ARFIP1: variants seen among roughly 807,000 people sequenced by gnomAD.
ARFIP1 encodes arfaptin-1.
A neutral mutation model predicts 42.5 loss-of-function variants in ARFIP1; 24 were observed. That is an observed-to-expected ratio of 0.57 (90% CI 0.41 to 0.80). The LOEUF is 0.80. ARFIP1 is among the 30% of genes least tolerant of loss of function. The pLI is 0.00. For missense variants in ARFIP1, 354 were observed against 434.0 expected (o/e 0.82, Z 1.64); for synonymous variants, 141 against 153.7 (o/e 0.92, Z 0.61).
intron 5 of ARFIP1, among the ~76,000 whole-genome samples, chr4:152,876,071 C>T (rs867606377): frequency 2.0e-5 from 3 of 152,040 alleles, no homozygotes; most frequent in Non-Finnish European, 2.9e-5. Context: ...TTCCCAGTCT[C>T]GGGTCTGTCT....
intron 1 of ARFIP1, among the ~76,000 whole-genome samples, chr4:152,781,262 GTC>G (rs1310474231): frequency 2.4e-5 from 3 of 126,204 alleles, no homozygotes; most frequent in Non-Finnish European, 4.8e-5. Flanking sequence ...TTGAGACAGA[GTC>G]TCACTCTGTC....
intron 1 of ARFIP1, among the ~76,000 whole-genome samples, chr4:152,801,601 G>A (rs1578825556): frequency 1.3e-5 from 2 of 152,150 alleles, no homozygotes; most frequent in Non-Finnish European, 2.9e-5. Flanking sequence ...CCATGAAATT[G>A]CCAAGATAGA....
At chr4:152,803,713 G>T (rs916702493) in intron 1 of ARFIP1, among the ~76,000 whole-genome samples, 37 of 152,018 alleles carry the variant, frequency 2.4e-4, no homozygotes, top group Non-Finnish European at 3.8e-4. Context: ...ACTGCCAACT[G>T]CTAGGAGTAG....
intron 8 of ARFIP1, among the ~76,000 whole-genome samples, chr4:152,897,094 T>C (rs1737403011): frequency 6.6e-6 from 1 of 152,232 alleles, no homozygotes; most frequent in Non-Finnish European, 1.5e-5. Context: ...GTGGTTTGCA[T>C]TGCCTCCTTT....
At chr4:152,904,006 C>T (rs1738068469) in intron 8 of ARFIP1, among the ~76,000 whole-genome samples, 1 of 151,844 alleles carries the variant, frequency 6.6e-6, no homozygotes, top group Non-Finnish European at 1.5e-5. Context: ...TGCTTTTATT[C>T]TCTCCTCTAA....
chr4:152,835,437 G>A (rs1731572048), intron 2 of ARFIP1, among the ~76,000 whole-genome samples: 1 of 152,144 alleles, frequency 6.6e-6, no homozygotes, highest in Admixed American at 6.5e-5. Context: ...CTTTGCTAGG[G>A]TATACCATGG....
intron 1 of ARFIP1, among the ~76,000 whole-genome samples, chr4:152,783,103 A>T (rs1025951715): frequency 1.3e-5 from 2 of 152,106 alleles, no homozygotes; most frequent in African/African-American, 4.8e-5. Flanking sequence ...ACTTGATGTC[A>T]GGAGTTCAAA....
At position 152,870,742 on chromosome 4, in the gene ARFIP1, T is replaced by C. The variant is rs1406692764; in HGVS notation, c.203-11T>C. The C allele has an allele frequency of 1.1e-5, 18 of 1,605,060 alleles. No homozygotes were observed. The highest frequency in any genetic ancestry group is 1.5e-5 in the Non-Finnish European group (17 of 1,171,856). The stretch of plus-strand genomic sequence containing the variant: ...AAAGGATTTTCACAGTTAAAATGTC[T>C]ACCTTTTCAGGTTCCCCAGCACCGC... On this transcript the variant is annotated splice_polypyrimidine_tract_variant and intron_variant, in intron 3 of 8. Coordinates refer to ENST00000353617, the MANE Select transcript of ARFIP1 (RefSeq NM_001025595.3).
At chr4:152,790,693 T>C (rs982619916) in intron 1 of ARFIP1, among the ~76,000 whole-genome samples, 3 of 152,030 alleles carry the variant, frequency 2.0e-5, no homozygotes, top group African/African-American at 7.2e-5. Context: ...TGTCAGGGCT[T>C]TCTATTTTTG....
intron 1 of ARFIP1, among the ~76,000 whole-genome samples, chr4:152,812,610 G>T (rs141484257): frequency 6.6e-6 from 1 of 152,314 alleles, no homozygotes; most frequent in African/African-American, 2.4e-5. Flanking sequence ...TCAGCCTGGA[G>T]CTCTAGACTT....
chr4:152,867,385 A>G (rs1409806497), intron 3 of ARFIP1, among the ~76,000 whole-genome samples: 1 of 152,034 alleles, frequency 6.6e-6, no homozygotes, highest in Admixed American at 6.5e-5. Context: ...AATCGCAGGC[A>G]CTCAGCAGGC....
intron 6 of ARFIP1, among the ~76,000 whole-genome samples, chr4:152,882,248 A>C (rs569634021): frequency 6.6e-6 from 1 of 152,182 alleles, no homozygotes; most frequent in East Asian, 1.9e-4. Flanking sequence ...AAGTTTACAA[A>C]GAAATATGTA....
chr4:152,813,147 C>T (rs1039524293), intron 1 of ARFIP1, among the ~76,000 whole-genome samples: 1 of 152,116 alleles, frequency 6.6e-6, no homozygotes, highest in African/African-American at 2.4e-5. Flanking sequence ...TACAGTGTAA[C>T]AGTTACTTAT....
intron 7 of ARFIP1, among the ~76,000 whole-genome samples, chr4:152,887,760 C>T (rs981865580): frequency 6.6e-6 from 1 of 152,038 alleles, no homozygotes; most frequent in African/African-American, 2.4e-5. Context: ...GTATGCCATT[C>T]TAGAGTCTGC....
At chr4:152,791,772 C>G (rs1250021994) in intron 1 of ARFIP1, among the ~76,000 whole-genome samples, 2 of 152,084 alleles carry the variant, frequency 1.3e-5, no homozygotes, top group African/African-American at 2.4e-5. Flanking sequence ...GGTTAATAGT[C>G]TTTAAGTTAA....
At chr4:152,894,759 T>C (rs1332606996) in intron 8 of ARFIP1, among the ~76,000 whole-genome samples, 1 of 152,228 alleles carries the variant, frequency 6.6e-6, no homozygotes, top group Non-Finnish European at 1.5e-5. Context: ...TGAGTCATTC[T>C]CTTATTCATG....
chr4:152,826,141 A>T (rs983055409), intron 1 of ARFIP1, among the ~76,000 whole-genome samples: 6 of 152,202 alleles, frequency 3.9e-5, no homozygotes, highest in Non-Finnish European at 7.3e-5. Context: ...TACCCAAAGG[A>T]AAAAAAGTCA....
At chr4:152,853,728 A>C (rs1316879044) in intron 2 of ARFIP1, among the ~76,000 whole-genome samples, 1 of 152,006 alleles carries the variant, frequency 6.6e-6, no homozygotes, top group Non-Finnish European at 1.5e-5. Flanking sequence ...ATTTATTGTT[A>C]TATTAAATAG....
At chr4:152,899,561 C>T (rs1236826383) in intron 8 of ARFIP1, among the ~76,000 whole-genome samples, 1 of 152,180 alleles carries the variant, frequency 6.6e-6, no homozygotes, top group African/African-American at 2.4e-5. Context: ...ACTCGGAGAT[C>T]AGATGGGAAG....
Sources: gnomAD v4.1 joint callset for allele counts (sites outside exome capture counted in the v4.1 genomes callset) on GRCh38, gnomAD v4.1.1 for gene constraint, MANE v1.5 for transcripts, NCBI Gene and HGNC (gene_info 2026-07-23, HGNC 2026-07-21) for gene names.